Variants in ABTB2 observed in about 807,000 individuals in gnomAD.
ABTB2 encodes the protein ankyrin repeat and BTB domain containing 2.
ABTB2 carries 56 observed loss-of-function variants against 104.1 expected under a neutral mutation model. That is an observed-to-expected ratio of 0.54 (90% CI 0.43 to 0.67). The LOEUF (loss-of-function observed/expected upper bound fraction) is 0.67, where lower values mean the gene tolerates loss of function less well. ABTB2 is among the 30% of genes least tolerant of loss of function. ABTB2 has a pLI of 0.00. For synonymous variants in ABTB2, 606 were observed against 608.2 expected, an observed-to-expected ratio of 1.00 and a Z score of 0.05; for missense variants, 1,279 against 1,407.7, an observed-to-expected ratio of 0.91 and a Z score of 1.46.
intron 1 of ABTB2, among the ~76,000 whole-genome samples, chr11:34,226,572 T>A (rs1853689400): frequency 6.6e-6 from 1 of 152,220 alleles, no homozygotes; most frequent in South Asian, 2.1e-4. Context: ...AGTAGGACCA[T>A]GCTCCTCACA....
chr11:34,203,043 G>T (rs1269571349), intron 2 of ABTB2, among the ~76,000 whole-genome samples: 1 of 152,120 alleles, frequency 6.6e-6, no homozygotes, highest in East Asian at 1.9e-4. Context: ...GCTGGGCTGG[G>T]GTTGTAATGG....
intron 1 of ABTB2, among the ~76,000 whole-genome samples, chr11:34,285,921 C>T (rs570804952): frequency 2.2e-4 from 34 of 152,332 alleles, no homozygotes; most frequent in African/African-American, 7.9e-4. Context: ...CCTGGGCCTA[C>T]TTGCACCTTG....
chr11:34,314,804 G>T (rs2133107190), intron 1 of ABTB2, among the ~76,000 whole-genome samples: 1 of 152,330 alleles, frequency 6.6e-6, no homozygotes, highest in South Asian at 2.1e-4. Context: ...GGCAGTGATA[G>T]CTGATCATTA....
chr11:34,357,407 G>A lies in ABTB2; in HGVS notation c.177C>T (p.Gly59=). 1 of 1,547,752 alleles carries A rather than the reference G, an allele frequency of 6.5e-7. No individual in the cohort carries two copies. The highest frequency in any genetic ancestry group is 8.7e-7 in the Non-Finnish European group (1 of 1,145,462). ...HRGAAWWCYS[G]SMNSRHNSWD... ...AGCTGTTGTGGCGGCTGTTCATGGA[G>A]CCGGAGTAGCACCACCAGGCCGCCC... Residue 59 remains glycine, a synonymous_variant, in exon 1 of 17, where the codon GGC becomes GGT. Transcript: ENST00000435224.
At chr11:34,199,216 A>ACC (rs1853305399) in intron 2 of ABTB2, among the ~76,000 whole-genome samples, 1 of 152,178 alleles carries the variant, frequency 6.6e-6, no homozygotes, top group East Asian at 1.9e-4. Flanking sequence ...AGCCACGGTG[A>ACC]TGGTGTTTGG....
chr11:34,165,721 G>A (rs902407722), intron 7 of ABTB2, among the ~76,000 whole-genome samples: 1 of 152,216 alleles, frequency 6.6e-6, no homozygotes, highest in African/African-American at 2.4e-5. Flanking sequence ...CATGGCTCTG[G>A]GTGGCAGCAC....
chr11:34,154,258 C>T lies in ABTB2; in HGVS notation c.2880+7G>A. The T allele has an allele frequency of 1.9e-6, 3 of 1,611,164 alleles. No individual in the cohort carries two copies. The highest frequency in any genetic ancestry group is 2.5e-6 in the Non-Finnish European group (3 of 1,177,590). On this transcript the variant is annotated splice_region_variant and intron_variant, in intron 16 of 16. Coordinates refer to ENST00000435224, the MANE Select transcript of ABTB2 (RefSeq NM_145804.3). This position sits in a 1 kb window ranked among gnomAD's most constrained non-coding sequence, Gnocchi z 4.9. ...GGAGGTGGCCAGCAGGCATCCTTGG[C>T]CCTCACCTTGGCATATTTGTAGGTG...
rs559871645 is a variant in ABTB2 at position 34,329,399 on chromosome 11, G to A, written c.883+27302C>T. Reference sequence around the variant, plus strand: ...TCCACCCCCCTGCCCAGATCACCCAGCATCTTCTCTCCACAGCATCCAATC... The same window carrying A: ...TCCACCCCCCTGCCCAGATCACCCAACATCTTCTCTCCACAGCATCCAATC... On this transcript the variant is annotated intron_variant, in intron 1 of 16. Coordinates refer to ENST00000435224, the MANE Select transcript of ABTB2 (RefSeq NM_145804.3). Among the ~76,000 whole-genome samples the A allele has an allele frequency of 2.6e-5, 4 of 152,200 alleles. 1 individual carries two copies. The East Asian group carries it at 7.7e-4, about 29-fold the overall frequency.
intron 1 of ABTB2, among the ~76,000 whole-genome samples, chr11:34,240,705 G>C (rs1853904721): frequency 6.6e-6 from 1 of 152,154 alleles, no homozygotes; most frequent in Non-Finnish European, 1.5e-5. Flanking sequence ...TGATTCTCCT[G>C]CTTCAGCCTC....
intron 1 of ABTB2, among the ~76,000 whole-genome samples, chr11:34,353,321 T>C (rs1305888323): frequency 6.6e-6 from 1 of 151,882 alleles, no homozygotes; most frequent in East Asian, 1.9e-4. Context: ...AGAAACCTAG[T>C]AGTGATGCTC....
At chr11:34,258,059 A>G (rs1464690947) in intron 1 of ABTB2, among the ~76,000 whole-genome samples, 1 of 152,138 alleles carries the variant, frequency 6.6e-6, no homozygotes, top group Non-Finnish European at 1.5e-5. Flanking sequence ...GGGGCAGCAG[A>G]GCCTTCAGGC....
At chr11:34,269,184 G>A (rs1295137707) in intron 1 of ABTB2, among the ~76,000 whole-genome samples, 1 of 152,166 alleles carries the variant, frequency 6.6e-6, no homozygotes, top group Non-Finnish European at 1.5e-5. Context: ...TGTGGTTGTT[G>A]CTAAAAGGGG....
At chr11:34,219,739 T>A (rs1853593908) in intron 1 of ABTB2, among the ~76,000 whole-genome samples, 1 of 152,178 alleles carries the variant, frequency 6.6e-6, no homozygotes, top group African/African-American at 2.4e-5. Context: ...ATATACCATA[T>A]AGCCTAGGTG....
At chr11:34,200,856 T>A (rs529306054) in intron 2 of ABTB2, among the ~76,000 whole-genome samples, 44 of 152,256 alleles carry the variant, frequency 2.9e-4, no homozygotes, top group African/African-American at 8.9e-4. Context: ...ACTAAAAGTG[T>A]GGTCTGTGAA....
At chr11:34,225,062 T>C (rs1358636477) in intron 1 of ABTB2, among the ~76,000 whole-genome samples, 1 of 152,230 alleles carries the variant, frequency 6.6e-6, no homozygotes, top group Non-Finnish European at 1.5e-5. Context: ...AAAACTGAGA[T>C]ACTGAGATAT....
Position 34,154,193 on chromosome 11 carries a change from G to A in ABTB2, c.2880+72C>T. 2.5e-6 allele frequency: 3 copies of A among 1,220,302 alleles called. No individual in the cohort carries two copies. The highest frequency in any genetic ancestry group is 3.6e-6 in the Non-Finnish European group (3 of 837,218). 75.6% of individuals were successfully genotyped at this position (1,220,302 alleles called of 1,614,324 possible). On this transcript the variant is annotated intron_variant, in intron 16 of 16. Transcript: ENST00000435224. This position sits in a 1 kb window ranked among gnomAD's most constrained non-coding sequence, Gnocchi z 4.9. Reference sequence around the variant, plus strand: ...CATCTCCTAGCTCATCCCCAGTGCAGCCACACGGCCGAGGCCCCCGTGGAG... The same window carrying A: ...CATCTCCTAGCTCATCCCCAGTGCAACCACACGGCCGAGGCCCCCGTGGAG...
intron 1 of ABTB2, among the ~76,000 whole-genome samples, chr11:34,219,538 G>T (rs1853590228): frequency 6.6e-6 from 1 of 152,106 alleles, no homozygotes; most frequent in African/African-American, 2.4e-5. Flanking sequence ...GCAAGACCCT[G>T]TCTCCAAAAA....
At chr11:34,198,289 G>T (rs142028824) in intron 2 of ABTB2, among the ~76,000 whole-genome samples, 1 of 152,100 alleles carries the variant, frequency 6.6e-6, no homozygotes. Flanking sequence ...GTCAGGGATA[G>T]TGGCAGGCGC....
intron 1 of ABTB2, among the ~76,000 whole-genome samples, chr11:34,205,386 G>C (rs1853396925): frequency 6.6e-6 from 1 of 152,184 alleles, no homozygotes; most frequent in African/African-American, 2.4e-5. Flanking sequence ...AATCCCAGAG[G>C]GTGACAGCCT....
Sources: gnomAD v4.1 joint callset for allele counts (sites outside exome capture counted in the v4.1 genomes callset) on GRCh38, gnomAD v4.1.1 for gene constraint, Gnocchi (gnomAD v3.1) non-coding constraint, MANE v1.5 for transcripts, NCBI Gene and HGNC (gene_info 2026-07-23, HGNC 2026-07-21) for gene names.